PPP6R2: variants seen among roughly 807,000 people sequenced by gnomAD.
PPP6R2 encodes protein phosphatase 6 regulatory subunit 2, also known as serine/threonine-protein phosphatase 6 regulatory subunit 2.
Under a neutral mutation model 100.2 loss-of-function variants are expected in PPP6R2, and 62 were observed. The observed-to-expected ratio is 0.62, with a 90% CI of 0.50 to 0.76. PPP6R2 has a LOEUF of 0.76. Among genes scored for constraint, PPP6R2 ranks in the 30% least tolerant of loss-of-function variants. The pLI is 0.00. For missense variants in PPP6R2, 1,142 were observed against 1,276.3 expected (o/e 0.89, Z 1.60); for synonymous variants, 525 against 514.7 (o/e 1.02, Z -0.27).
chr22:50,428,158 T>G (rs894203492), intron 10 of PPP6R2, among the ~76,000 whole-genome samples: 2 of 152,198 alleles, frequency 1.3e-5, no homozygotes, highest in Non-Finnish European at 2.9e-5. Context: ...CCTGGCCCCA[T>G]TTACTTTAAA....
chr22:50,423,387 G>A lies in PPP6R2; in HGVS notation c.973-75G>A. 2 of 1,577,344 alleles carry A rather than the reference G, an allele frequency of 1.3e-6. No homozygotes were observed. The highest frequency in any genetic ancestry group is 1.1e-5 in the South Asian group (1 of 88,674). On this transcript the variant is annotated intron_variant, in intron 9 of 23. Coordinates refer to ENST00000612753, the MANE Select transcript of PPP6R2 (RefSeq NM_001242898.2). The surrounding 1 kb of genome is among the most constrained non-coding windows in gnomAD (Gnocchi z 4.8). ...GCTGGGTCCCAGCCTAGAGTGATGG[G>A]CATGAGCCCAGAGACTCCAGCAGTG...
chr22:50,435,497 G>A (rs984948353), intron 13 of PPP6R2, among the ~76,000 whole-genome samples: 20 of 152,194 alleles, frequency 1.3e-4, no homozygotes, highest in Non-Finnish European at 2.1e-4. Flanking sequence ...GTGAGATTTC[G>A]TAGCACAAGT....
Position 50,406,689 on chromosome 22 carries a change from A to G in PPP6R2, c.228A>G (p.Lys76=). 2.5e-6 allele frequency: 4 copies of G among 1,612,674 alleles called. No individual in the cohort carries two copies. The South Asian group carries it at 4.4e-5, about 18-fold the overall frequency. ...CAGTGCTTGGACTGTGCCCTTTTAG[A>G]TATCCAAACACAGCCTGTGAGCTTC... ...PLDMEEKVRF[K]YPNTACELLT... is the part of the protein sequence containing the mutation. Residue 76 remains lysine, a splice_region_variant and synonymous_variant, in exon 4 of 24, where the codon AAA becomes AAG. Transcript: ENST00000612753.
In PPP6R2 at chr22:50,439,769, G is replaced by A. The variant is rs766044900; in HGVS notation, c.2197G>A (p.Asp733Asn). Reference protein sequence around the residue: ...STPTAPGVVRDVGSSVWAAGT... With the variant: ...STPTAPGVVRNVGSSVWAAGT... ...GCCCACAGCCCCAGGAGTGGTGAGG[G>A]ACGTGGGTTCCAGTGTGTGGGCAGC... The change falls in exon 20 of 24, where the codon GAC (aspartate) becomes AAC (asparagine). Residue 733 changes from aspartate (D) to asparagine (N), a missense_variant. Asp to Asn is a conservative substitution (Grantham distance 23). Coordinates refer to ENST00000612753, the MANE Select transcript of PPP6R2 (RefSeq NM_001242898.2). The A allele has an allele frequency of 2.5e-6, 4 of 1,613,786 alleles. No individual in the cohort carries two copies. The South Asian group carries it at 4.4e-5, about 18-fold the overall frequency.
chr22:50,384,226 C>G (rs1318897399), intron 2 of PPP6R2, among the ~76,000 whole-genome samples: 3 of 152,024 alleles, frequency 2.0e-5, no homozygotes, highest in African/African-American at 7.2e-5. Flanking sequence ...GTGTCTTAAT[C>G]TGTTTTCTGC....
chr22:50,379,667 C>T (rs1299833067), intron 2 of PPP6R2, among the ~76,000 whole-genome samples: 4 of 151,654 alleles, frequency 2.6e-5, no homozygotes, highest in Non-Finnish European at 4.4e-5. Context: ...GTCACTTGAG[C>T]CCAGGAGTTT....
chr22:50,382,459 A>G (rs567251747), intron 2 of PPP6R2, among the ~76,000 whole-genome samples: 30 of 151,680 alleles, frequency 2.0e-4, no homozygotes, highest in Non-Finnish European at 3.4e-4. Flanking sequence ...TAAGCCAGGC[A>G]TGGTGGCTCA....
intron 1 of PPP6R2, among the ~76,000 whole-genome samples, chr22:50,371,762 G>A (rs191141948): frequency 5.9e-4 from 90 of 152,042 alleles, no homozygotes; most frequent in Non-Finnish European, 1.6e-4. Context: ...TCAGCCTCCC[G>A]AGTAGCTGGG....
intron 15 of PPP6R2, 147 bp from the exon 16 acceptor site, chr22:50,437,359 C>G: frequency 1.5e-6 from 1 of 667,766 alleles, no homozygotes; most frequent in Non-Finnish European, 2.7e-6. Flanking sequence ...AATCGTGAGC[C>G]CTGAACAGAG....
At chr22:50,370,369 C>T (rs528157569) in intron 1 of PPP6R2, among the ~76,000 whole-genome samples, 1 of 152,114 alleles carries the variant, frequency 6.6e-6, no homozygotes, top group African/African-American at 2.4e-5. Flanking sequence ...CTCACTGCAA[C>T]CTCTGCCTCC....
At chr22:50,405,346 AAGGCCTGGAGAGAGGTGAG>A (rs1344727244) in intron 3 of PPP6R2, among the ~76,000 whole-genome samples, 1 of 68,596 alleles carries the variant, frequency 1.5e-5, no homozygotes, top group Non-Finnish European at 3.2e-5. Context: ...GGCGAGTGTG[AAGGCCTGGAGAGAGGTGAG>A]AGGCCTGGAG....
chr22:50,420,224 G>C (rs2061140427), intron 8 of PPP6R2, among the ~76,000 whole-genome samples: 1 of 152,212 alleles, frequency 6.6e-6, no homozygotes, highest in African/African-American at 2.4e-5. Flanking sequence ...CTCGCAGTCA[G>C]GGACATTTTC....
intron 1 of PPP6R2, among the ~76,000 whole-genome samples, chr22:50,354,060 T>A (rs1432040406): frequency 6.6e-6 from 1 of 152,268 alleles, no homozygotes; most frequent in South Asian, 2.1e-4. Context: ...ATCTCAGCAC[T>A]TTTGGAGGCC....
intron 1 of PPP6R2, among the ~76,000 whole-genome samples, chr22:50,365,660 C>T (rs1392616333): frequency 7.0e-6 from 1 of 141,956 alleles, no homozygotes; most frequent in Non-Finnish European, 1.5e-5. Context: ...GCCTGTGCGA[C>T]AGAGCAAGAC....
At chr22:50,376,370 C>G (rs981449445) in intron 2 of PPP6R2, among the ~76,000 whole-genome samples, 4 of 152,094 alleles carry the variant, frequency 2.6e-5, no homozygotes, top group Non-Finnish European at 4.4e-5. Context: ...AACACTTCCT[C>G]AAAGACTTCA....
At chr22:50,390,375 C>T (rs1257139452) in intron 2 of PPP6R2, among the ~76,000 whole-genome samples, 2 of 152,136 alleles carry the variant, frequency 1.3e-5, no homozygotes, top group Admixed American at 6.6e-5. Context: ...ACATACCAAA[C>T]ATGAATCACA....
In PPP6R2 at chr22:50,370,556, G is replaced by T. The variant is rs1313320344; in HGVS notation, c.-147-1464G>T. Among the ~76,000 whole-genome samples the T allele has an allele frequency of 3.9e-5, 6 of 152,088 alleles. No individual in the cohort carries two copies. In the East Asian group the frequency reaches 1.2e-3, roughly 29 times the overall value. On this transcript the variant is annotated intron_variant, in intron 1 of 23. Coordinates refer to ENST00000612753, the MANE Select transcript of PPP6R2 (RefSeq NM_001242898.2). The stretch of plus-strand genomic sequence containing the variant: ...CCCGCCTTGGCCTCCCAAAGTGCTG[G>T]GATTACAGGCGTGAGCCACCACGCC...
At chr22:50,401,892 C>A (rs1013200486) in intron 3 of PPP6R2, among the ~76,000 whole-genome samples, 19 of 152,160 alleles carry the variant, frequency 1.2e-4, no homozygotes, top group Non-Finnish European at 1.3e-4. Flanking sequence ...CCTTGTTCTC[C>A]CAGAGTGCTG....
intron 20 of PPP6R2, 47 bp downstream of exon 20, chr22:50,439,904 C>G: frequency 6.2e-7 from 1 of 1,607,354 alleles, no homozygotes. Context: ...AAGTGCCTGT[C>G]AGGGCCAGGA....
Sources: gnomAD v4.1 joint callset for allele counts (sites outside exome capture counted in the v4.1 genomes callset) on GRCh38, gnomAD v4.1.1 for gene constraint, Gnocchi (gnomAD v3.1) non-coding constraint, MANE v1.5 for transcripts, NCBI Gene and HGNC (gene_info 2026-07-23, HGNC 2026-07-21) for gene names.